Variants in PRPF38B observed in about 807,000 individuals in gnomAD.
The protein encoded by PRPF38B is pre-mRNA-splicing factor 38B.
PRPF38B carries 18 observed loss-of-function variants against 67.2 expected under a neutral mutation model. The ratio of observed to expected loss-of-function variants is 0.27; its 90% CI spans 0.19 to 0.40. PRPF38B has a LOEUF of 0.40. Ranked by LOEUF, PRPF38B falls within the 10% of genes least tolerant of loss-of-function variation. The pLI, the probability that PRPF38B is intolerant of heterozygous loss-of-function variation, is 1.00. For synonymous variants in PRPF38B, 246 were observed against 234.2 expected (o/e 1.05, Z -0.46); for missense variants, 544 against 684.9 (o/e 0.79, Z 2.30).
In PRPF38B at chr1:108,692,358, C is replaced by G. The variant is rs576806166; in HGVS notation, c.-234C>G. The G allele has an allele frequency of 1.2e-4, 69 of 560,048 alleles. No homozygotes were observed. The highest frequency in any genetic ancestry group is 1.9e-4 in the Non-Finnish European group (60 of 317,602). 34.7% of individuals were successfully genotyped at this position (560,048 alleles called of 1,614,324 possible). A position where few individuals can be genotyped will look rare whatever the true frequency, so the allele number is the denominator to read the frequency against. ...CGGAAGAGATCGAGCTCCCTGGCTG[C>G]CGGCTCGCCTTCTGCGTGGAGTTCT... On this transcript the variant is annotated 5_prime_UTR_variant, in exon 1 of 6. Coordinates refer to ENST00000370025, the MANE Select transcript of PRPF38B (RefSeq NM_018061.4).
rs923716125 is a variant in PRPF38B at position 108,701,406 on chromosome 1, T to C, written c.*1386T>C. On this transcript the variant is annotated 3_prime_UTR_variant, in exon 6 of 6. Transcript: ENST00000370025. ...AATGGCAGTTCCCTTTGTCAGTGGTTGTTACATGTGTCATTTGATTACTTT... is the reference window on the plus strand; with the variant it reads ...AATGGCAGTTCCCTTTGTCAGTGGTCGTTACATGTGTCATTTGATTACTTT... 1 of 152,378 alleles carries C rather than the reference T, an allele frequency of 6.6e-6. No individual in the cohort carries two copies. The highest frequency in any genetic ancestry group is 2.4e-5 in the African/African-American group (1 of 41,470). The allele number at this position is 152,378 out of a possible 1,614,324, so 9.4% of individuals were successfully genotyped here. A position where few individuals can be genotyped will look rare whatever the true frequency, so the allele number is the denominator to read the frequency against.
At position 108,692,546 on chromosome 1, in the gene PRPF38B, GC is replaced by G; in HGVS notation, c.-41del. ...GTCCCGAAGAGCGAGATCGAGCTTG[GC>G]CCCCTCCCCCCCCTCCTTCCCTCCC... On this transcript the variant is annotated 5_prime_UTR_variant, in exon 1 of 6. Coordinates refer to ENST00000370025, the MANE Select transcript of PRPF38B (RefSeq NM_018061.4). 2.7e-6 allele frequency: 4 copies of G among 1,497,016 alleles called. No individual in the cohort carries two copies. The highest frequency in any genetic ancestry group is 3.6e-6 in the Non-Finnish European group (4 of 1,124,126). 92.7% of individuals were successfully genotyped at this position (1,497,016 alleles called of 1,614,324 possible). A position where few individuals can be genotyped will look rare whatever the true frequency, so the allele number is the denominator to read the frequency against.
intron 3 of PRPF38B, 35 bp from the exon 4 acceptor site, chr1:108,696,242 C>A: frequency 6.2e-7 from 1 of 1,610,142 alleles, no homozygotes; most frequent in South Asian, 1.1e-5. Context: ...CATTTTAATT[C>A]ACATGTGTTT....
In PRPF38B at chr1:108,698,750, C is replaced by T. The variant is rs779898956; in HGVS notation, c.705C>T (p.Thr235=). The T allele has an allele frequency of 6.2e-7, 1 of 1,613,930 alleles. No individual in the cohort carries two copies. Among genetic ancestry groups the T allele is most frequent in the Non-Finnish European group, 8.5e-7 (1 of 1,179,948 alleles). Residue 235 remains threonine, a synonymous_variant, in exon 5 of 6, where the codon ACC becomes ACT. Coordinates refer to ENST00000370025, the MANE Select transcript of PRPF38B (RefSeq NM_018061.4). The part of the protein sequence containing the change: ...VQKNIDQQIK[T]RPRKIKKDGK... Reference sequence around the variant, plus strand: ...AGAATATTGATCAACAGATTAAAACCCGACCTAGAAAAATCAAGAAAGATG... The same window carrying T: ...AGAATATTGATCAACAGATTAAAACTCGACCTAGAAAAATCAAGAAAGATG...
rs764633057 is a variant in PRPF38B, at chr1:108,702,431, C to G, written c.*2411C>G. Among the ~76,000 whole-genome samples the G allele has an allele frequency of 2.0e-5, 3 of 152,008 alleles. No homozygotes were observed. Among genetic ancestry groups the G allele is most frequent in the Admixed American group, 6.6e-5 (1 of 15,238 alleles). On this transcript the variant is annotated 3_prime_UTR_variant, in exon 6 of 6. Transcript: ENST00000370025. ...GAGCCACCACTCCAGTCCCTTCTTACGATTTTTAAATATGTTTGCTTTTGA... is the reference window on the plus strand; with the variant it reads ...GAGCCACCACTCCAGTCCCTTCTTAGGATTTTTAAATATGTTTGCTTTTGA...
rs1660465540 is a variant in PRPF38B at position 108,701,274 on chromosome 1, T to G, written c.*1254T>G. On this transcript the variant is annotated 3_prime_UTR_variant, in exon 6 of 6. Transcript: ENST00000370025. ...GATGAAACGTCAGTAGAGTCACACT[T>G]TGTGTACAGGGATGTCTTAGTGCCC... 6.6e-6 allele frequency: 1 copy of G among 152,624 alleles called. No homozygotes were observed. The highest frequency in any genetic ancestry group is 1.5e-5 in the Non-Finnish European group (1 of 68,030). The allele number at this position is 152,624 out of a possible 1,614,324, so 9.5% of individuals were successfully genotyped here. A position where few individuals can be genotyped will look rare whatever the true frequency, so the allele number is the denominator to read the frequency against.
rs749522907 is a variant in PRPF38B at position 108,700,032 on chromosome 1, A to G, written c.*12A>G. The G allele has an allele frequency of 4.5e-6, 7 of 1,572,272 alleles. No homozygotes were observed. Among genetic ancestry groups the G allele is most frequent in the Non-Finnish European group, 6.0e-6 (7 of 1,165,358 alleles). On this transcript the variant is annotated 3_prime_UTR_variant, in exon 6 of 6. Coordinates refer to ENST00000370025, the MANE Select transcript of PRPF38B (RefSeq NM_018061.4). ...ATGAGACTGTGTGAAAATATTTTGT[A>G]AAAGTGGATCACATTGAATCCTATA...
intron 2 of PRPF38B, 32 bp from the exon 3 acceptor site, chr1:108,696,011 T>C: frequency 6.2e-7 from 1 of 1,600,146 alleles, no homozygotes; most frequent in Non-Finnish European, 8.5e-7. Context: ...TTAATTATTT[T>C]ACTACTTTTT....
rs572064683 is a variant in PRPF38B at position 108,696,318 on chromosome 1, C to G, written c.539C>G (p.Ser180Cys). 6.2e-7 allele frequency: 1 copy of G among 1,611,798 alleles called. No homozygotes were observed. The highest frequency in any genetic ancestry group is 1.3e-5 in the African/African-American group (1 of 74,968). Residue 180 changes from serine (S) to cysteine (C), a missense_variant, in exon 4 of 6, where the codon TCC (serine) becomes TGC (cysteine). Coordinates refer to ENST00000370025, the MANE Select transcript of PRPF38B (RefSeq NM_018061.4). ...ACAGATCTGTGGGACTGGTTTGAAT[C>G]CTTCCTTGATGATGAAGAGGTATGT... ...PPTDLWDWFE[S>C]FLDDEEDLDV...
chr1:108,693,039 C>G (rs562272045), intron 1 of PRPF38B, among the ~76,000 whole-genome samples, 172 bp downstream of exon 1: 1 of 152,228 alleles, frequency 6.6e-6, no homozygotes, highest in Admixed American at 6.5e-5. Context: ...TGGGGCCGCC[C>G]TCTCGTTTCC....
Position 108,699,485 on chromosome 1 carries a change from A to T in PRPF38B, c.1106A>T (p.Asp369Val). 6.3e-7 allele frequency: 1 copy of T among 1,597,710 alleles called. No homozygotes were observed. The highest frequency in any genetic ancestry group is 1.1e-5 in the South Asian group (1 of 89,540). ...GAGAGAGGTAGAAGACGAGATCGTG[A>T]CTATGATAAGGAAAGAGGAAATGAA... ...ENERGRRRDR[D>V]YDKERGNERE... Residue 369 changes from aspartate to valine, a missense_variant, in exon 6 of 6, where the codon GAC (aspartate) becomes GTC (valine). Transcript: ENST00000370025.
chr1:108,699,886 A>G lies in PRPF38B; in HGVS notation c.1507A>G (p.Ser503Gly). 6.2e-7 allele frequency: 1 copy of G among 1,614,232 alleles called. No homozygotes were observed. Among genetic ancestry groups the G allele is most frequent in the Non-Finnish European group, 8.5e-7 (1 of 1,180,036 alleles). The change falls in exon 6 of 6, where the codon AGC (serine) becomes GGC (glycine). Residue 503 changes from serine to glycine, a missense_variant. Physicochemically the swap from Ser to Gly is moderately conservative, Grantham distance 56. Around this residue, in one of 5 missense-constraint regions of PRPF38B, gnomAD observed 387 missense variants for 386.1 expected, o/e 1.00. Transcript: ENST00000370025. ...SKEKSRKRSR[S>G]KERSHKRDHS... ...AGAAAAATCTAGAAAGCGTAGTAGA[A>G]GCAAAGAACGTTCCCACAAACGAGA...
In PRPF38B at chr1:108,702,014, CTATTT is replaced by C. The variant is rs1660546992; in HGVS notation, c.*1997_*2001del. Among the ~76,000 whole-genome samples, 1 of 152,178 alleles carries C rather than the reference CTATTT, an allele frequency of 6.6e-6. No individual in the cohort carries two copies. Among genetic ancestry groups the C allele is most frequent in the African/African-American group, 2.4e-5 (1 of 41,432 alleles). ...GTTCCATGTGAAATGTTTTATCTGA[CTATTT>C]TAAGTAAAATGTGGAAAGAATTTAA... is the stretch of plus-strand genomic sequence containing the variant. On this transcript the variant is annotated 3_prime_UTR_variant, in exon 6 of 6. Transcript: ENST00000370025.
In PRPF38B at chr1:108,699,818, A is replaced by G. The variant is rs767920921; in HGVS notation, c.1439A>G (p.Asp480Gly). The change falls in exon 6 of 6, where the codon GAC becomes GGC. Residue 480 changes from aspartate to glycine, a missense_variant. By Grantham distance (94) the Asp-to-Gly change is moderately conservative. Coordinates refer to ENST00000370025, the MANE Select transcript of PRPF38B (RefSeq NM_018061.4). The part of the protein sequence containing the change: ...RSRSGSQGRT[D>G]SVEKSKKREH... ...CGAAGTGGCAGTCAAGGAAGAACTGACAGTGTTGAAAAATCAAAAAAACGG... is the reference window on the plus strand; with the variant it reads ...CGAAGTGGCAGTCAAGGAAGAACTGGCAGTGTTGAAAAATCAAAAAAACGG... 1.2e-6 allele frequency: 2 copies of G among 1,613,204 alleles called. No homozygotes were observed. Among genetic ancestry groups the G allele is most frequent in the Non-Finnish European group, 1.7e-6 (2 of 1,179,834 alleles).
At chr1:108,696,843 C>T in intron 4 of PRPF38B, 2 of 680,636 alleles carry the variant, frequency 2.9e-6, no homozygotes, top group South Asian at 3.2e-5. Flanking sequence ...GTTTGGATGA[C>T]TTGTTCAAGG....
At chr1:108,697,986 G>C (rs1329794441) in intron 4 of PRPF38B, 2 of 152,214 alleles carry the variant, frequency 1.3e-5, no homozygotes, top group Non-Finnish European at 2.9e-5. Flanking sequence ...GTCCTGAGCT[G>C]TGAGAGGGCA....
intron 4 of PRPF38B, chr1:108,696,715 T>G: frequency 2.8e-6 from 2 of 715,196 alleles, no homozygotes; most frequent in Non-Finnish European, 5.2e-6. Flanking sequence ...TAATTGTAGC[T>G]TTTTTTTCTT....
chr1:108,700,116 A>G lies in PRPF38B; in HGVS notation c.*96A>G. 2.0e-6 allele frequency: 3 copies of G among 1,478,226 alleles called. No individual in the cohort carries two copies. Among genetic ancestry groups the G allele is most frequent in the Non-Finnish European group, 2.7e-6 (3 of 1,118,266 alleles). 91.6% of individuals were successfully genotyped at this position (1,478,226 alleles called of 1,614,324 possible). ...GATTGTGCAGTAGTTCGCACTCCTC[A>G]AGCTCTCCCTGTAGGCTGCATTTTC... On this transcript the variant is annotated 3_prime_UTR_variant, in exon 6 of 6. Coordinates refer to ENST00000370025, the MANE Select transcript of PRPF38B (RefSeq NM_018061.4).
chr1:108,692,668 A>C lies in PRPF38B; in HGVS notation c.77A>C (p.Gln26Pro). The C allele has an allele frequency of 1.9e-6, 3 of 1,612,628 alleles. No individual in the cohort carries two copies. The highest frequency in any genetic ancestry group is 2.5e-6 in the Non-Finnish European group (3 of 1,179,850). The change falls in exon 1 of 6, where the codon CAG becomes CCG. Residue 26 changes from glutamine to proline, a missense_variant. Gln to Pro is a moderately conservative substitution (Grantham distance 76). Around this residue, in one of 5 missense-constraint regions of PRPF38B, gnomAD observed 70 missense variants for 58.4 expected, o/e 1.20. Coordinates refer to ENST00000370025, the MANE Select transcript of PRPF38B (RefSeq NM_018061.4). ...HQAAAAAAQQ[Q>P]QQCGGGGATK... ...GCGGCTGCAGCTGCGGCTCAGCAAC[A>C]GCAGCAGTGCGGCGGCGGCGGCGCT...
Sources: gnomAD v4.1 joint callset for allele counts (sites outside exome capture counted in the v4.1 genomes callset) on GRCh38, gnomAD v4.1.1 for gene constraint, gnomAD v4.1.1 regional missense constraint, MANE v1.5 for transcripts, NCBI Gene and HGNC (gene_info 2026-07-23, HGNC 2026-07-21) for gene names.